NIBAN1: variants seen among roughly 807,000 people sequenced by gnomAD.
NIBAN1 encodes the protein niban apoptosis regulator 1.
Under a neutral mutation model 75.1 loss-of-function variants are expected in NIBAN1, and 81 were observed. The ratio of observed to expected loss-of-function variants is 1.08; its 90% CI spans 0.90 to 1.30. NIBAN1 has a LOEUF of 1.30. Among genes scored for constraint, NIBAN1 ranks in the 50% most tolerant of loss-of-function variants. NIBAN1 has a pLI of 0.00. For synonymous variants in NIBAN1, 436 were observed against 424.8 expected, an observed-to-expected ratio of 1.03 and a Z score of -0.32; for missense variants, 1,133 against 1,128.1, an observed-to-expected ratio of 1.00 and a Z score of -0.06.
chr1:184,806,237 C>T (rs546302007), intron 10 of NIBAN1, among the ~76,000 whole-genome samples, 181 bp from the exon 11 acceptor site: 2 of 152,256 alleles, frequency 1.3e-5, no homozygotes, highest in East Asian at 3.9e-4. Context: ...CAAATGGTCA[C>T]GTGGTCACAG....
At chr1:184,901,018 C>A (rs1656940791) in intron 1 of NIBAN1, among the ~76,000 whole-genome samples, 1 of 152,084 alleles carries the variant, frequency 6.6e-6, no homozygotes, top group Non-Finnish European at 1.5e-5. Flanking sequence ...AGAGTTCTAA[C>A]TACATAGATT....
intron 9 of NIBAN1, among the ~76,000 whole-genome samples, chr1:184,811,597 G>A (rs1654381637): frequency 7.0e-6 from 1 of 142,630 alleles, no homozygotes; most frequent in East Asian, 2.0e-4. Context: ...TCCACCTCCT[G>A]GGTTCATGCC....
intron 10 of NIBAN1, among the ~76,000 whole-genome samples, chr1:184,806,913 G>T (rs1302648675): frequency 2.0e-5 from 3 of 151,864 alleles, no homozygotes; most frequent in Non-Finnish European, 4.4e-5. Context: ...GACTACAGGT[G>T]TGCACCACCA....
At chr1:184,859,847 G>A (rs1022891839) in intron 5 of NIBAN1, among the ~76,000 whole-genome samples, 7 of 152,172 alleles carry the variant, frequency 4.6e-5, no homozygotes, top group African/African-American at 1.7e-4. Flanking sequence ...AGCATGGTGA[G>A]GATGCCATTG....
At chr1:184,935,117 T>A (rs1455764035) in intron 1 of NIBAN1, among the ~76,000 whole-genome samples, 2 of 151,190 alleles carry the variant, frequency 1.3e-5, no homozygotes. Context: ...CATCATTTAA[T>A]AGCAGACATT....
At chr1:184,965,636 G>A (rs533054169) in intron 1 of NIBAN1, among the ~76,000 whole-genome samples, 1 of 152,290 alleles carries the variant, frequency 6.6e-6, no homozygotes, top group South Asian at 2.1e-4. Flanking sequence ...TAGACACTGA[G>A]CCCTATCAGA....
intron 6 of NIBAN1, among the ~76,000 whole-genome samples, chr1:184,830,198 C>A (rs1654959291): frequency 6.6e-6 from 1 of 152,210 alleles, no homozygotes; most frequent in Non-Finnish European, 1.5e-5. Context: ...ATAAGATTGG[C>A]AAGACAAACA....
At chr1:184,859,734 T>A (rs1655767699) in intron 5 of NIBAN1, among the ~76,000 whole-genome samples, 1 of 152,170 alleles carries the variant, frequency 6.6e-6, no homozygotes. Flanking sequence ...CTATCTGCTG[T>A]GCCTTGCTGG....
chr1:184,863,579 C>T (rs149716730), intron 5 of NIBAN1, among the ~76,000 whole-genome samples: 1 of 152,316 alleles, frequency 6.6e-6, no homozygotes, highest in African/African-American at 2.4e-5. Context: ...ACAAGAGACA[C>T]TTTTACCTTC....
chr1:184,965,216 G>A lies in NIBAN1; in HGVS notation c.55+9086C>T, dbSNP rs142584315. Among the ~76,000 whole-genome samples, 33 of 151,992 alleles carry A rather than the reference G, an allele frequency of 2.2e-4. No individual in the cohort carries two copies. In the East Asian group the frequency reaches 6.0e-3, roughly 28 times the overall value. ...CGAGAGGCTGACGCAGGAGAATGGC[G>A]TGAACCCGGGAATTGGAGCTTGCAG... On this transcript the variant is annotated intron_variant, in intron 1 of 13. Coordinates refer to ENST00000367511, the MANE Select transcript of NIBAN1 (RefSeq NM_052966.4).
intron 1 of NIBAN1, among the ~76,000 whole-genome samples, chr1:184,968,824 T>A (rs1444029620): frequency 6.6e-6 from 1 of 152,092 alleles, no homozygotes; most frequent in African/African-American, 2.4e-5. Flanking sequence ...CTTTTTAAGG[T>A]CCAGAGGTAA....
chr1:184,862,869 GGGT>G (rs1159498958), intron 5 of NIBAN1, among the ~76,000 whole-genome samples: 1 of 151,642 alleles, frequency 6.6e-6, no homozygotes, highest in Non-Finnish European at 1.5e-5. Context: ...TTAAGTTCAG[GGGT>G]AAAAGTGCAG....
At chr1:184,858,810 C>A (rs1326230905) in intron 5 of NIBAN1, among the ~76,000 whole-genome samples, 1 of 152,034 alleles carries the variant, frequency 6.6e-6, no homozygotes, top group Non-Finnish European at 1.5e-5. Context: ...ATGGTTGAAT[C>A]ATGTAGGGTG....
At position 184,823,232 on chromosome 1, in the gene NIBAN1, C is replaced by G; in HGVS notation, c.920G>C (p.Gly307Ala). The G allele has an allele frequency of 2.5e-6, 4 of 1,614,224 alleles. No homozygotes were observed. The highest frequency in any genetic ancestry group is 8.5e-7 in the Non-Finnish European group (1 of 1,180,044). The change falls in exon 8 of 14, where the codon GGA (glycine) becomes GCA (alanine). Residue 307 changes from glycine (G) to alanine (A), a missense_variant. Transcript: ENST00000367511. The part of the protein sequence containing the change: ...ECRALTKGLE[G>A]TIRSDMDQIV... ...CTGATCCATGTCAGAACGGATCGTT[C>G]CTTCCAGGCCCTTTGTCAGAGCTCT...
At chr1:184,909,578 C>T (rs1156253195) in intron 1 of NIBAN1, among the ~76,000 whole-genome samples, 1 of 152,100 alleles carries the variant, frequency 6.6e-6, no homozygotes, top group African/African-American at 2.4e-5. Flanking sequence ...ATAAACCGTT[C>T]AACATTTCTG....
chr1:184,888,848 A>G (rs182710840), intron 4 of NIBAN1, among the ~76,000 whole-genome samples: 37 of 152,372 alleles, frequency 2.4e-4, no homozygotes, highest in African/African-American at 8.2e-4. Flanking sequence ...GTAAAAGAAA[A>G]TATAATAATA....
intron 1 of NIBAN1, among the ~76,000 whole-genome samples, chr1:184,932,422 C>A (rs772270973): frequency 6.6e-6 from 1 of 152,142 alleles, no homozygotes; most frequent in African/African-American, 2.4e-5. Context: ...GAACTTAGAT[C>A]CCCTGCATGC....
chr1:184,802,911 C>T (rs1272735020), intron 12 of NIBAN1, among the ~76,000 whole-genome samples: 1 of 152,168 alleles, frequency 6.6e-6, no homozygotes, highest in African/African-American at 2.4e-5. Context: ...GGCCTCGGCT[C>T]AGTGGCTTAA....
intron 5 of NIBAN1, among the ~76,000 whole-genome samples, chr1:184,870,808 A>T (rs1361958886): frequency 6.6e-6 from 1 of 152,226 alleles, no homozygotes; most frequent in East Asian, 1.9e-4. Flanking sequence ...AAGAAAAGAC[A>T]TAGTGGATAA....
Sources: gnomAD v4.1 joint callset for allele counts (sites outside exome capture counted in the v4.1 genomes callset) on GRCh38, gnomAD v4.1.1 for gene constraint, MANE v1.5 for transcripts, NCBI Gene and HGNC (gene_info 2026-07-23, HGNC 2026-07-21) for gene names.